Variants in TEX9 observed in about 807,000 individuals in gnomAD.
TEX9 encodes testis expressed 9.
Under a neutral mutation model 59.6 loss-of-function variants are expected in TEX9, and 74 were observed. The ratio of observed to expected loss-of-function variants is 1.24; its 90% CI spans 1.03 to 1.51. The LOEUF (loss-of-function observed/expected upper bound fraction) is 1.51. TEX9 is among the 40% of genes most tolerant of loss of function. The pLI is 0.00. For synonymous variants in TEX9, 186 were observed against 152.2 expected (o/e 1.22, Z -1.64); for missense variants, 522 against 447.8 (o/e 1.17, Z -1.49).
intron 12 of TEX9, among the ~76,000 whole-genome samples, chr15:56,433,879 C>G (rs1304130933): frequency 1.3e-5 from 2 of 152,006 alleles, no homozygotes; most frequent in Non-Finnish European, 2.9e-5. Flanking sequence ...TTTTCTTAAC[C>G]AAGACCATAA....
At chr15:56,327,204 C>T (rs145546600) in intron 1 of TEX9, among the ~76,000 whole-genome samples, 34 of 152,116 alleles carry the variant, frequency 2.2e-4, no homozygotes, top group African/African-American at 7.7e-4. Context: ...TTTTCTATTT[C>T]AATCAATATG....
At position 56,291,707 on chromosome 15, in the gene TEX9, C is replaced by G. The variant is rs551911619; in HGVS notation, c.-107+47429C>G. 2.0e-5 allele frequency among the ~76,000 whole-genome samples: 3 copies of G among 152,254 alleles called. No individual in the cohort carries two copies. In the East Asian group the frequency reaches 5.8e-4, roughly 29 times the overall value. ...CCAACATCTTCCCAATTTCCCCACT[C>G]CCCCCAACTTCTACCTTTGAAAGAG... On this transcript the variant is annotated intron_variant, in intron 1 of 5. Coordinates refer to the TEX9 transcript ENST00000560827.
At chr15:56,375,037 T>A (rs1327571335) in intron 3 of TEX9, among the ~76,000 whole-genome samples, 3 of 152,128 alleles carry the variant, frequency 2.0e-5, no homozygotes, top group Non-Finnish European at 4.4e-5. Context: ...TTTGATATAT[T>A]GATTTCTGGG....
At chr15:56,426,485 C>T (rs1277061970) in intron 10 of TEX9, among the ~76,000 whole-genome samples, 1 of 148,656 alleles carries the variant, frequency 6.7e-6, no homozygotes, top group Middle Eastern at 3.3e-3. Context: ...TATAGTCAGT[C>T]TTTTAATGGG....
intron 9 of TEX9, among the ~76,000 whole-genome samples, chr15:56,403,898 A>C (rs1328771248): frequency 6.6e-6 from 1 of 152,278 alleles, no homozygotes; most frequent in Non-Finnish European, 1.5e-5. Flanking sequence ...TCCCTATTTA[A>C]TAAATGGTGT....
intron 1 of TEX9, among the ~76,000 whole-genome samples, chr15:56,245,926 A>G (rs1355880902): frequency 6.6e-6 from 1 of 152,086 alleles, no homozygotes; most frequent in Non-Finnish European, 1.5e-5. Flanking sequence ...AAGTTCCCCA[A>G]GGTTCTAATT....
chr15:56,267,376 G>A (rs1353738672), intron 1 of TEX9, among the ~76,000 whole-genome samples: 1 of 152,124 alleles, frequency 6.6e-6, no homozygotes, highest in East Asian at 1.9e-4. Flanking sequence ...CATTGCTTTT[G>A]GTGTTTTAGT....
downstream of TEX9, among the ~76,000 whole-genome samples, chr15:56,450,898 T>C (rs1177486198): frequency 6.6e-6 from 1 of 152,228 alleles, no homozygotes; most frequent in African/African-American, 2.4e-5. Flanking sequence ...CAATACCTAT[T>C]ATTTTCCACT....
chr15:56,290,293 C>G (rs1460984423), intron 1 of TEX9, among the ~76,000 whole-genome samples: 2 of 152,082 alleles, frequency 1.3e-5, no homozygotes, highest in Non-Finnish European at 2.9e-5. Flanking sequence ...TGTTCATTAC[C>G]TCAGTGGCAA....
chr15:56,313,232 A>G (rs1164201666), intron 1 of TEX9, among the ~76,000 whole-genome samples: 1 of 133,220 alleles, frequency 7.5e-6, no homozygotes, highest in African/African-American at 2.8e-5. Context: ...CCAGTTTTCA[A>G]AGGGAATGCT....
At chr15:56,293,941 C>T (rs2045158953) in intron 1 of TEX9, among the ~76,000 whole-genome samples, 1 of 152,206 alleles carries the variant, frequency 6.6e-6, no homozygotes, top group African/African-American at 2.4e-5. Context: ...TCTATGAGTT[C>T]CACGAATCCT....
chr15:56,333,414 A>G (rs184007165), intron 1 of TEX9, among the ~76,000 whole-genome samples: 1 of 152,010 alleles, frequency 6.6e-6, no homozygotes, highest in Admixed American at 6.6e-5. Context: ...AGGAAAAAAA[A>G]CCATATGATA....
chr15:56,395,856 T>C (rs2048445753), intron 9 of TEX9: 2 of 152,300 alleles, frequency 1.3e-5, no homozygotes, highest in East Asian at 1.9e-4. Context: ...TTAAGTTCTT[T>C]ATGTGTTTAG....
chr15:56,433,863 A>G (rs2050667320), intron 12 of TEX9, among the ~76,000 whole-genome samples: 1 of 152,080 alleles, frequency 6.6e-6, no homozygotes, highest in Non-Finnish European at 1.5e-5. Context: ...ATTACTTTTT[A>G]TATATTTTTC....
chr15:56,320,809 A>G (rs1170636763), intron 1 of TEX9, among the ~76,000 whole-genome samples: 4 of 152,178 alleles, frequency 2.6e-5, no homozygotes, highest in African/African-American at 7.2e-5. Context: ...ACCTGGCCAT[A>G]TGGTCATACT....
chr15:56,403,865 A>G (rs1353954541), intron 9 of TEX9, among the ~76,000 whole-genome samples: 1 of 152,250 alleles, frequency 6.6e-6, no homozygotes, highest in Non-Finnish European at 1.5e-5. Flanking sequence ...AAACCTGACA[A>G]AAACAAGAAA....
At chr15:56,310,762 G>C (rs118092569) in intron 1 of TEX9, among the ~76,000 whole-genome samples, 6,669 of 152,240 alleles carry the variant, frequency 0.044, 224 homozygotes, top group Admixed American at 0.086. Flanking sequence ...GAAAAAGAGG[G>C]TCAGGGAGCA....
chr15:56,252,048 C>G lies in TEX9; in HGVS notation c.-107+7770C>G, dbSNP rs374323939. ...ACACATAAAGTTATGGTGTGAAGGG[C>G]TCACTCTTTTGTCAAGAATTGCATC... On this transcript the variant is annotated intron_variant, in intron 1 of 5. Coordinates refer to the TEX9 transcript ENST00000560827. Among the ~76,000 whole-genome samples the G allele has an allele frequency of 1.3e-4, 20 of 152,250 alleles. 1 individual carries two copies. In the South Asian group the frequency reaches 3.5e-3, roughly 27 times the overall value.
At chr15:56,438,577 G>C (rs370998012) in intron 12 of TEX9, among the ~76,000 whole-genome samples, 1 of 152,064 alleles carries the variant, frequency 6.6e-6, no homozygotes, top group East Asian at 1.9e-4. Flanking sequence ...TCAGGACATA[G>C]GCATGGGCAA....
Sources: gnomAD v4.1 joint callset for allele counts (sites outside exome capture counted in the v4.1 genomes callset) on GRCh38, gnomAD v4.1.1 for gene constraint, MANE v1.5 for transcripts, NCBI Gene and HGNC (gene_info 2026-07-23, HGNC 2026-07-21) for gene names.